Variants in CAPN12 observed in about 807,000 individuals in gnomAD.
CAPN12 encodes the protein calpain-12.
In CAPN12, 107 loss-of-function variants were observed where a neutral mutation model predicts 95.0. That is an observed-to-expected ratio of 1.13 (90% CI 0.96 to 1.32). The LOEUF (loss-of-function observed/expected upper bound fraction) is 1.32, where lower values mean the gene tolerates loss of function less well. CAPN12 is among the 40% of genes most tolerant of loss of function. CAPN12 has a pLI of 0.00. For synonymous variants in CAPN12, 505 were observed against 415.5 expected, an observed-to-expected ratio of 1.22 and a Z score of -2.62; for missense variants, 1,136 against 997.8, an observed-to-expected ratio of 1.14 and a Z score of -1.87.
At chr19:38,742,343 A>T in intron 3 of CAPN12, 67 bp downstream of exon 3, 1 of 1,197,722 alleles carries the variant, frequency 8.3e-7, no homozygotes, top group Non-Finnish European at 1.2e-6. Flanking sequence ...AAAAAAAAAA[A>T]GAAAAATCCA....
rs1486394207 is a variant in CAPN12 at position 38,737,623 on chromosome 19, G to C, written c.981C>G (p.Asp327Glu). 3 of 1,604,776 alleles carry C rather than the reference G, an allele frequency of 1.9e-6. No individual in the cohort carries two copies. Among genetic ancestry groups the C allele is most frequent in the Admixed American group, 1.7e-5 (1 of 59,294 alleles). ...EDGEFWMELR[D>E]FLLHFDTVQI... is the part of the protein sequence containing the mutation. ...GCACGGTGTCGAAATGGAGGAGGAA[G>C]TCCCGCAGCTCCATCCTGCACGGTG... Residue 327 changes from aspartate (D) to glutamate (E), a missense_variant, in exon 9 of 21, where the codon GAC (aspartate) becomes GAG (glutamate). Asp to Glu is a conservative substitution (Grantham distance 45, BLOSUM62 2). Coordinates refer to ENST00000328867, the MANE Select transcript of CAPN12 (RefSeq NM_144691.4).
At chr19:38,736,884 C>CATT in intron 10 of CAPN12, 1 of 561,226 alleles carries the variant, frequency 1.8e-6, no homozygotes, top group Non-Finnish European at 3.2e-6. Context: ...AGCTCCCTCT[C>CATT]CCCTCTGAGA....
chr19:38,741,403 T>C (rs540606692), intron 4 of CAPN12, among the ~76,000 whole-genome samples: 2 of 152,050 alleles, frequency 1.3e-5, no homozygotes, highest in South Asian at 4.1e-4. Context: ...TGAAACCCCA[T>C]CTCTACTAAA....
chr19:38,744,142 G>A lies in CAPN12; in HGVS notation c.24C>T (p.Val8=). ...CCTCCTCATCCACGAGCTGGATGGT[G>A]ACCCTCCCACTGCTGGATGCCATCT... MASSSGR[V]TIQLVDEEAG... Residue 8 remains valine, a synonymous_variant, in exon 1 of 21, where the codon GTC becomes GTT. Transcript: ENST00000328867. 7 of 1,614,070 alleles carry A rather than the reference G, an allele frequency of 4.3e-6. No homozygotes were observed. The highest frequency in any genetic ancestry group is 5.9e-6 in the Non-Finnish European group (7 of 1,180,042).
intron 8 of CAPN12, 120 bp from the exon 9 acceptor site, chr19:38,737,758 A>T: frequency 7.6e-7 from 1 of 1,311,216 alleles, no homozygotes; most frequent in Non-Finnish European, 1.0e-6. Context: ...AATACCCTTC[A>T]GGCTCCAGAA....
At position 38,744,013 on chromosome 19, in the gene CAPN12, G is replaced by T. The variant is rs769020269; in HGVS notation, c.153C>A (p.Phe51Leu). 3.1e-6 allele frequency: 5 copies of T among 1,614,220 alleles called. No homozygotes were observed. Among genetic ancestry groups the T allele is most frequent in the Non-Finnish European group, 4.2e-6 (5 of 1,180,030 alleles). ...AGCCAAGGGCATCAGGGCCAGCAGGGAAGTAAGGGTCGCGGAACAGGATCC... is the reference window on the plus strand; with the variant it reads ...AGCCAAGGGCATCAGGGCCAGCAGGTAAGTAAGGGTCGCGGAACAGGATCC... ...DSGILFRDPY[F>L]PAGPDALGYD... Residue 51 changes from phenylalanine to leucine, a missense_variant, in exon 1 of 21, where the codon TTC becomes TTA. By Grantham distance (22) the Phe-to-Leu change is conservative. Transcript: ENST00000328867.
chr19:38,731,412 G>C, intron 18 of CAPN12, 189 bp from the exon 19 acceptor site: 1 of 617,154 alleles, frequency 1.6e-6, no homozygotes, highest in Non-Finnish European at 2.9e-6. Flanking sequence ...TCCATCAAAC[G>C]GACTAAGACA....
intron 3 of CAPN12, 147 bp from the exon 4 acceptor site, chr19:38,742,057 G>T: frequency 8.2e-7 from 1 of 1,220,228 alleles, no homozygotes; most frequent in Non-Finnish European, 1.1e-6. Context: ...CGGGTGCGGT[G>T]GCTCACATCT....
intron 8 of CAPN12, 112 bp from the exon 9 acceptor site, chr19:38,737,750 T>G: frequency 7.5e-7 from 1 of 1,328,946 alleles, no homozygotes; most frequent in Non-Finnish European, 1.0e-6. Context: ...TATTGTCAAA[T>G]ACCCTTCAGG....
At chr19:38,733,896 A>T in intron 17 of CAPN12, 115 bp from the exon 18 acceptor site, 2 of 919,188 alleles carry the variant, frequency 2.2e-6, no homozygotes, top group Middle Eastern at 4.6e-4. Context: ...TCTGGTGTGG[A>T]CCCCCAGCAA....
At chr19:38,736,592 G>A (rs767623590) in intron 10 of CAPN12, 29 bp from the exon 11 acceptor site, 1 of 1,602,460 alleles carries the variant, frequency 6.2e-7, no homozygotes, top group Admixed American at 1.7e-5. Flanking sequence ...AGGGGCGTCG[G>A]GGCAGGGGAG....
At chr19:38,738,827 G>A (rs1970378462) in intron 5 of CAPN12, 179 bp from the exon 6 acceptor site, 2 of 616,854 alleles carry the variant, frequency 3.2e-6, no homozygotes, top group African/African-American at 1.8e-5. Context: ...GGAGAGGAAG[G>A]GAGATGGAAA....
At chr19:38,733,446 C>A in intron 18 of CAPN12, 1 of 486,752 alleles carries the variant, frequency 2.1e-6, no homozygotes, top group Non-Finnish European at 3.7e-6. Context: ...AGGGGCCTCT[C>A]CCTGCCCCAG....
At chr19:38,731,673 A>G in intron 18 of CAPN12, 1 of 202,798 alleles carries the variant, frequency 4.9e-6, no homozygotes, top group South Asian at 9.8e-5. Context: ...GGAGGCTTTT[A>G]AAAACCCAAA....
rs776657374 is a variant in CAPN12, at chr19:38,738,317, C to T, written c.921G>A (p.Glu307=). 3.7e-6 allele frequency: 6 copies of T among 1,612,088 alleles called. No individual in the cohort carries two copies. Among genetic ancestry groups the T allele is most frequent in the Non-Finnish European group, 5.1e-6 (6 of 1,180,014 alleles). The change falls in exon 8 of 21, where the codon GAG becomes GAA. Residue 307 remains glutamate, a synonymous_variant. Transcript: ENST00000328867. ...SCPRWDTLPT[E]CRDALLVKKE... is the part of the protein sequence containing the mutation. ...TTTTCACCAGCAGGGCATCGCGGCA[C>T]TCGGTGGGGAGTGTGTCCCAGCGTG...
chr19:38,742,580 C>A, intron 2 of CAPN12, 52 bp from the exon 3 acceptor site: 1 of 1,328,114 alleles, frequency 7.5e-7, no homozygotes, highest in Non-Finnish European at 1.1e-6. Flanking sequence ...AGGCCTGGTG[C>A]GGTGGCTCAT....
intron 7 of CAPN12, 29 bp downstream of exon 7, chr19:38,738,389 G>A (rs1210332341): frequency 1.2e-6 from 2 of 1,610,728 alleles, no homozygotes; most frequent in South Asian, 1.1e-5. Flanking sequence ...GTGGGGTCCA[G>A]CCCCACACCC....
chr19:38,735,336 CGG>C, intron 14 of CAPN12, 32 bp downstream of exon 14: 1 of 1,516,246 alleles, frequency 6.6e-7, no homozygotes, highest in East Asian at 2.3e-5. Context: ...GAGGCCGCAG[CGG>C]GATACCCCCT....
intron 2 of CAPN12, 145 bp downstream of exon 2, chr19:38,742,888 G>T: frequency 1.8e-6 from 1 of 571,132 alleles, no homozygotes; most frequent in Non-Finnish European, 3.0e-6. Context: ...GAAGGAAGGA[G>T]GGAGGAGGGA....
Sources: gnomAD v4.1 joint callset for allele counts (sites outside exome capture counted in the v4.1 genomes callset) on GRCh38, gnomAD v4.1.1 for gene constraint, MANE v1.5 for transcripts, NCBI Gene and HGNC (gene_info 2026-07-23, HGNC 2026-07-21) for gene names.